Variants in SNX16 observed in about 807,000 individuals in gnomAD.
SNX16 encodes sorting nexin-16.
SNX16 carries 35 observed loss-of-function variants against 36.7 expected under a neutral mutation model. The observed-to-expected ratio is 0.95, with a 90% CI of 0.73 to 1.27. The LOEUF is 1.27. Among genes scored for constraint, SNX16 ranks in the 50% most tolerant of loss-of-function variants. SNX16 has a pLI of 0.00. For synonymous variants in SNX16, 134 were observed against 132.0 expected (o/e 1.02, Z -0.10); for missense variants, 367 against 393.6 (o/e 0.93, Z 0.57).
At chr8:81,833,149 TAATAA>T (rs1811341766) in intron 2 of SNX16, among the ~76,000 whole-genome samples, 1 of 150,892 alleles carries the variant, frequency 6.6e-6, no homozygotes, top group South Asian at 2.1e-4. Flanking sequence ...TAAGATATAT[TAATAA>T]AATAATTTCA....
chr8:81,807,870 T>C, intron 5 of SNX16: 1 of 763,816 alleles, frequency 1.3e-6, no homozygotes, highest in South Asian at 1.3e-5. Context: ...TGAGGAGCCA[T>C]TTTGAGCAAT....
At chr8:81,813,442 A>C (rs2130647726) in intron 5 of SNX16, among the ~76,000 whole-genome samples, 1 of 152,046 alleles carries the variant, frequency 6.6e-6, no homozygotes, top group African/African-American at 2.4e-5. Context: ...AATTAACCCA[A>C]AATAGACCAT....
intron 2 of SNX16, among the ~76,000 whole-genome samples, chr8:81,831,800 T>C (rs1811283657): frequency 6.7e-6 from 1 of 150,284 alleles, no homozygotes; most frequent in African/African-American, 2.5e-5. Flanking sequence ...TACAAGCAGC[T>C]AAGAAACATA....
intron 5 of SNX16, among the ~76,000 whole-genome samples, chr8:81,811,689 T>A (rs1412499610): frequency 6.6e-6 from 1 of 152,044 alleles, no homozygotes; most frequent in African/African-American, 2.4e-5. Flanking sequence ...TAATAACCAC[T>A]ATAGGAGACA....
At chr8:81,817,230 A>G (rs959708715) in intron 4 of SNX16, among the ~76,000 whole-genome samples, 1 of 152,224 alleles carries the variant, frequency 6.6e-6, no homozygotes, top group Non-Finnish European at 1.5e-5. Flanking sequence ...TTTATATTCA[A>G]ATTTCCTCAT....
chr8:81,816,173 AG>A (rs1303469227), intron 4 of SNX16, among the ~76,000 whole-genome samples: 2 of 140,586 alleles, frequency 1.4e-5, no homozygotes, highest in East Asian at 4.5e-4. Flanking sequence ...CCTTTTACAA[AG>A]GATTTTCTTT....
rs564750681 is a variant in SNX16 at position 81,840,099 on chromosome 8, C to T, written c.-96-17G>A. ...ATTCACTATCTAAAAATGAAAAGGA[C>T]ATATTAAAAGGTTAGTCTTTAATGT... On this transcript the variant is annotated splice_polypyrimidine_tract_variant and intron_variant, in intron 1 of 7. Coordinates refer to ENST00000345957, the MANE Select transcript of SNX16 (RefSeq NM_152836.3). The T allele has an allele frequency of 1.6e-6, 2 of 1,285,260 alleles. No homozygotes were observed. Among genetic ancestry groups the T allele is most frequent in the Non-Finnish European group, 1.1e-6 (1 of 942,930 alleles). 79.6% of individuals were successfully genotyped at this position (1,285,260 alleles called of 1,614,324 possible).
Position 81,801,470 on chromosome 8 carries a change from T to C in SNX16, c.*27A>G. 1 of 1,399,514 alleles carries C rather than the reference T, an allele frequency of 7.1e-7. No homozygotes were observed. The highest frequency in any genetic ancestry group is 9.9e-7 in the Non-Finnish European group (1 of 1,012,882). The allele number at this position is 1,399,514 out of a possible 1,614,324, so 86.7% of individuals were successfully genotyped here. A position where few individuals can be genotyped will look rare whatever the true frequency, so the allele number is the denominator to read the frequency against. ...CACTCTTCTAAATTTTTGAATAGTC[T>C]AAATGGAGGGAACTGCTTGTGATAC... On this transcript the variant is annotated 3_prime_UTR_variant, in exon 8 of 8. Coordinates refer to ENST00000345957, the MANE Select transcript of SNX16 (RefSeq NM_152836.3).
At position 81,801,475 on chromosome 8, in the gene SNX16, G is replaced by A; in HGVS notation, c.*22C>T. 2 of 1,429,160 alleles carry A rather than the reference G, an allele frequency of 1.4e-6. No individual in the cohort carries two copies. The highest frequency in any genetic ancestry group is 1.4e-5 in the African/African-American group (1 of 69,942). The allele number at this position is 1,429,160 out of a possible 1,614,324, so 88.5% of individuals were successfully genotyped here. On this transcript the variant is annotated 3_prime_UTR_variant, in exon 8 of 8. Coordinates refer to ENST00000345957, the MANE Select transcript of SNX16 (RefSeq NM_152836.3). ...TTCTAAATTTTTGAATAGTCTAAAT[G>A]GAGGGAACTGCTTGTGATACATTAG... is the stretch of plus-strand genomic sequence containing the variant.
intron 5 of SNX16, among the ~76,000 whole-genome samples, chr8:81,806,252 A>G (rs1809938924): frequency 6.6e-6 from 1 of 152,208 alleles, no homozygotes; most frequent in Non-Finnish European, 1.5e-5. Flanking sequence ...GCAGTAACAG[A>G]AACAAATGTT....
intron 5 of SNX16, among the ~76,000 whole-genome samples, chr8:81,804,946 A>G (rs1809863736): frequency 6.6e-6 from 1 of 152,186 alleles, no homozygotes; most frequent in Non-Finnish European, 1.5e-5. Context: ...TAAATTTGAC[A>G]TAACTCTTGG....
chr8:81,807,866 G>A lies in SNX16; in HGVS notation c.682-4638C>T, dbSNP rs576311831. ...GAAACAATTGATGAGAGCCTGAGGAGCCATTTTGAGCAATGGGGAACCCTC... is the reference window on the plus strand; with the variant it reads ...GAAACAATTGATGAGAGCCTGAGGAACCATTTTGAGCAATGGGGAACCCTC... On this transcript the variant is annotated intron_variant, in intron 5 of 7. Coordinates refer to ENST00000345957, the MANE Select transcript of SNX16 (RefSeq NM_152836.3). The A allele has an allele frequency of 5.2e-6, 4 of 763,584 alleles. No individual in the cohort carries two copies. The Admixed American group carries it at 6.8e-5, about 13-fold the overall frequency. 47.3% of individuals were successfully genotyped at this position (763,584 alleles called of 1,614,324 possible). A position where few individuals can be genotyped will look rare whatever the true frequency, so the allele number is the denominator to read the frequency against.
In SNX16 at chr8:81,829,522, C is replaced by T. The variant is rs1216839871; in HGVS notation, c.376-6G>A. 3 of 1,269,196 alleles carry T rather than the reference C, an allele frequency of 2.4e-6. No homozygotes were observed. The highest frequency in any genetic ancestry group is 3.1e-5 in the African/African-American group (2 of 63,836). 78.6% of individuals were successfully genotyped at this position (1,269,196 alleles called of 1,614,324 possible). A position where few individuals can be genotyped will look rare whatever the true frequency, so the allele number is the denominator to read the frequency against. On this transcript the variant is annotated splice_region_variant and splice_polypyrimidine_tract_variant and intron_variant, in intron 2 of 7. Transcript: ENST00000345957. ...TTTACTAGTATTTTATATACCTATG[C>T]ACAGGAAGAAAAACAGACGGAGAGA...
chr8:81,822,023 ATAGC>A (rs1426891334), intron 4 of SNX16, among the ~76,000 whole-genome samples: 1 of 152,152 alleles, frequency 6.6e-6, no homozygotes, highest in East Asian at 1.9e-4. Context: ...AGACTGGCAC[ATAGC>A]TAGTATCATC....
intron 2 of SNX16, among the ~76,000 whole-genome samples, chr8:81,831,526 C>T (rs1811267425): frequency 6.6e-6 from 1 of 151,534 alleles, no homozygotes; most frequent in South Asian, 2.1e-4. Flanking sequence ...GGTGAAACCC[C>T]GCCTCTACTA....
rs1809669988 is a variant in SNX16 at position 81,801,196 on chromosome 8, A to G, written c.*301T>C. 1 of 210,630 alleles carries G rather than the reference A, an allele frequency of 4.7e-6. No individual in the cohort carries two copies. Among genetic ancestry groups the G allele is most frequent in the African/African-American group, 2.3e-5 (1 of 43,290 alleles). 13.0% of individuals were successfully genotyped at this position (210,630 alleles called of 1,614,324 possible). ...TATATACACAGTAGTTTGGAGCAATATATAGGCAAAACACCATAATAATTT... is the reference window on the plus strand; with the variant it reads ...TATATACACAGTAGTTTGGAGCAATGTATAGGCAAAACACCATAATAATTT... On this transcript the variant is annotated 3_prime_UTR_variant, in exon 8 of 8. Coordinates refer to ENST00000345957, the MANE Select transcript of SNX16 (RefSeq NM_152836.3).
chr8:81,836,802 A>T (rs1346108567), intron 2 of SNX16, among the ~76,000 whole-genome samples: 1 of 152,170 alleles, frequency 6.6e-6, no homozygotes, highest in Admixed American at 6.5e-5. Flanking sequence ...TTTTTAAAAC[A>T]TTGTCAGATC....
At position 81,829,478 on chromosome 8, in the gene SNX16, G is replaced by A; in HGVS notation, c.414C>T (p.Ser138=). Residue 138 remains serine (S), a synonymous_variant, in exon 3 of 8, where the codon AGC becomes AGT. Coordinates refer to ENST00000345957, the MANE Select transcript of SNX16 (RefSeq NM_152836.3). ...CAGTGTATCTTCTGAAAACTACCCAGCTTTCTTCTGGGGTTTTCTTTACTA... is the reference window on the plus strand; with the variant it reads ...CAGTGTATCTTCTGAAAACTACCCAACTTTCTTCTGGGGTTTTCTTTACTA... ...KILVKKTPEE[S]WVVFRRYTDF... 1 of 1,431,048 alleles carries A rather than the reference G, an allele frequency of 7.0e-7. No homozygotes were observed. The highest frequency in any genetic ancestry group is 9.2e-7 in the Non-Finnish European group (1 of 1,090,456). 88.6% of individuals were successfully genotyped at this position (1,431,048 alleles called of 1,614,324 possible). A position where few individuals can be genotyped will look rare whatever the true frequency, so the allele number is the denominator to read the frequency against.
At chr8:81,808,196 G>C (rs1810056089) in intron 5 of SNX16, 2 of 1,332,612 alleles carry the variant, frequency 1.5e-6, no homozygotes, top group Admixed American at 1.7e-5. Context: ...GACCAAGGCA[G>C]TGGCAAGAAA....
Sources: gnomAD v4.1 joint callset for allele counts (sites outside exome capture counted in the v4.1 genomes callset) on GRCh38, gnomAD v4.1.1 for gene constraint, MANE v1.5 for transcripts, NCBI Gene and HGNC (gene_info 2026-07-23, HGNC 2026-07-21) for gene names.